Variants in TBC1D32 observed in about 807,000 individuals in gnomAD.
The protein encoded by TBC1D32 is TBC1 domain family member 32.
TBC1D32 carries 151 observed loss-of-function variants against 170.3 expected under a neutral mutation model. The ratio of observed to expected loss-of-function variants is 0.89; its 90% CI spans 0.78 to 1.01. The LOEUF (loss-of-function observed/expected upper bound fraction) is 1.01. Among genes scored for constraint, TBC1D32 ranks in the 50% least tolerant of loss-of-function variants. The pLI is 0.00. For missense variants in TBC1D32, 1,464 were observed against 1,457.1 expected, an observed-to-expected ratio of 1.00 and a Z score of -0.08; for synonymous variants, 498 against 488.0, an observed-to-expected ratio of 1.02 and a Z score of -0.27.
At chr6:121,298,159 G>A (rs1483939854) in intron 10 of TBC1D32, among the ~76,000 whole-genome samples, 2 of 151,924 alleles carry the variant, frequency 1.3e-5, no homozygotes, top group Admixed American at 1.3e-4. Flanking sequence ...AATATAAAAT[G>A]AATAATATTT....
chr6:121,279,776 G>C (rs929556517), intron 14 of TBC1D32, among the ~76,000 whole-genome samples: 5 of 151,876 alleles, frequency 3.3e-5, no homozygotes, highest in Non-Finnish European at 7.4e-5. Flanking sequence ...AACCATATTT[G>C]CTCACTTTTG....
chr6:121,274,472 G>C (rs2128432877), intron 15 of TBC1D32, among the ~76,000 whole-genome samples: 1 of 147,252 alleles, frequency 6.8e-6, no homozygotes, highest in Non-Finnish European at 1.5e-5. Context: ...ATAGAAAATA[G>C]AACAGATAAG....
intron 24 of TBC1D32, among the ~76,000 whole-genome samples, chr6:121,158,167 T>C (rs979715096): frequency 6.6e-6 from 1 of 152,168 alleles, no homozygotes; most frequent in South Asian, 2.1e-4. Flanking sequence ...CATAATCTCA[T>C]ATTTCTTGGA....
At chr6:121,085,324 T>C (rs1416239741) in intron 31 of TBC1D32, among the ~76,000 whole-genome samples, 3 of 133,360 alleles carry the variant, frequency 2.2e-5, no homozygotes, top group Admixed American at 7.3e-5. Context: ...TATACACATA[T>C]ATATATACAT....
intron 24 of TBC1D32, among the ~76,000 whole-genome samples, chr6:121,146,653 T>C (rs1783487798): frequency 6.6e-6 from 1 of 152,202 alleles, no homozygotes; most frequent in Non-Finnish European, 1.5e-5. Flanking sequence ...AAGTCAGTCA[T>C]CTGCAGTTAT....
chr6:121,175,742 T>C (rs1787677991), intron 22 of TBC1D32, among the ~76,000 whole-genome samples: 1 of 152,104 alleles, frequency 6.6e-6, no homozygotes, highest in African/African-American at 2.4e-5. Flanking sequence ...CAATACAAGA[T>C]CTAAAAGCAT....
At chr6:121,269,121 A>G (rs547904748) in intron 15 of TBC1D32, among the ~76,000 whole-genome samples, 3 of 152,328 alleles carry the variant, frequency 2.0e-5, no homozygotes, top group East Asian at 1.9e-4. Flanking sequence ...AGCACTAAAC[A>G]TGGAATGGAA....
chr6:121,311,977 G>A (rs535431021), intron 3 of TBC1D32, among the ~76,000 whole-genome samples: 1 of 152,182 alleles, frequency 6.6e-6, no homozygotes, highest in East Asian at 1.9e-4. Flanking sequence ...ATGATAGGTT[G>A]GATAAAGAAA....
chr6:121,256,842 G>A (rs1261843018), intron 15 of TBC1D32, among the ~76,000 whole-genome samples: 4 of 151,798 alleles, frequency 2.6e-5, no homozygotes, highest in African/African-American at 4.8e-5. Flanking sequence ...GCTAATTTTT[G>A]TACTTTTTTA....
At chr6:121,101,930 C>T (rs1192672012) in intron 30 of TBC1D32, among the ~76,000 whole-genome samples, 2 of 152,084 alleles carry the variant, frequency 1.3e-5, no homozygotes, top group South Asian at 4.2e-4. Context: ...CACAAGCATT[C>T]TTATACACCG....
In TBC1D32 at chr6:121,283,851, T is replaced by A. The variant is rs1056307867; in HGVS notation, c.1432A>T (p.Ser478Cys). 1 of 1,611,030 alleles carries A rather than the reference T, an allele frequency of 6.2e-7. No homozygotes were observed. The highest frequency in any genetic ancestry group is 1.3e-5 in the African/African-American group (1 of 74,824). ...LFTQLIYYSP[S>C]CPKMTSAAHS... ...GCAGCTGATGTCATCTTTGGACAACTTGGTGAGTAATAGATAAGTTGGGTA... is the reference window on the plus strand; with the variant it reads ...GCAGCTGATGTCATCTTTGGACAACATGGTGAGTAATAGATAAGTTGGGTA... Residue 478 changes from serine to cysteine, a missense_variant, in exon 13 of 32, where the codon AGT (serine) becomes TGT (cysteine). By Grantham distance (112) the Ser-to-Cys change is moderately radical. Coordinates refer to ENST00000398212, the MANE Select transcript of TBC1D32 (RefSeq NM_152730.6).
At chr6:121,253,822 T>C (rs955355816) in intron 17 of TBC1D32, among the ~76,000 whole-genome samples, 1 of 152,086 alleles carries the variant, frequency 6.6e-6, no homozygotes, top group South Asian at 2.1e-4. Flanking sequence ...TTGAAAACAG[T>C]ATGGAGATTC....
chr6:121,311,282 T>C (rs772411029), intron 3 of TBC1D32, among the ~76,000 whole-genome samples: 5 of 152,318 alleles, frequency 3.3e-5, no homozygotes, highest in South Asian at 2.1e-4. Context: ...CCTTTCTCCA[T>C]AGTTCTTTGG....
At chr6:121,195,434 AC>A (rs1313508636) in intron 22 of TBC1D32, among the ~76,000 whole-genome samples, 2 of 152,256 alleles carry the variant, frequency 1.3e-5, no homozygotes, top group African/African-American at 4.8e-5. Flanking sequence ...TTTGGTGGAA[AC>A]TGAATGTTTG....
intron 22 of TBC1D32, among the ~76,000 whole-genome samples, chr6:121,183,682 C>T (rs1788820611): frequency 6.6e-6 from 1 of 151,988 alleles, no homozygotes; most frequent in South Asian, 2.1e-4. Flanking sequence ...GTGAATTAAA[C>T]CTTCTGTGAA....
At chr6:121,231,991 C>A (rs1451947096) in intron 20 of TBC1D32, among the ~76,000 whole-genome samples, 3 of 152,078 alleles carry the variant, frequency 2.0e-5, no homozygotes, top group African/African-American at 7.2e-5. Flanking sequence ...AAAGTCTTTA[C>A]CTAAGCTAAT....
At chr6:121,132,524 G>A (rs1237209784) in intron 24 of TBC1D32, among the ~76,000 whole-genome samples, 2 of 151,896 alleles carry the variant, frequency 1.3e-5, no homozygotes, top group Non-Finnish European at 2.9e-5. Context: ...TCAGTATATA[G>A]GTAACTGCTT....
intron 13 of TBC1D32, among the ~76,000 whole-genome samples, chr6:121,283,486 C>G (rs1036099045): frequency 6.6e-6 from 1 of 151,312 alleles, no homozygotes; most frequent in African/African-American, 2.4e-5. Context: ...TGGAAAATAA[C>G]AGGAAAAAAA....
intron 24 of TBC1D32, among the ~76,000 whole-genome samples, chr6:121,137,835 C>T (rs1303172917): frequency 1.3e-5 from 2 of 151,874 alleles, no homozygotes; most frequent in African/African-American, 4.8e-5. Flanking sequence ...GCAATCTACA[C>T]AGAAAAAGTT....
Sources: gnomAD v4.1 joint callset for allele counts (sites outside exome capture counted in the v4.1 genomes callset) on GRCh38, gnomAD v4.1.1 for gene constraint, MANE v1.5 for transcripts, NCBI Gene and HGNC (gene_info 2026-07-23, HGNC 2026-07-21) for gene names.